CRISP2: variants seen among roughly 807,000 people sequenced by gnomAD.
CRISP2 encodes cysteine-rich secretory protein 2.
CRISP2 carries 29 observed loss-of-function variants against 31.7 expected under a neutral mutation model. The observed-to-expected ratio is 0.92, with a 90% CI of 0.68 to 1.25. The LOEUF (loss-of-function observed/expected upper bound fraction) is 1.25. CRISP2 is among the 50% of genes most tolerant of loss of function. CRISP2 has a pLI of 0.00. For synonymous variants in CRISP2, 111 were observed against 101.4 expected (o/e 1.09, Z -0.57); for missense variants, 318 against 286.5 (o/e 1.11, Z -0.79).
chr6:49,700,651 A>G lies in CRISP2; in HGVS notation c.183+17T>C, dbSNP rs750832722. ...ACAGCTGATTCACACCCATCTCCTTACAGCACTGCCTCTTACCATCTTTAG... is the reference window on the plus strand; with the variant it reads ...ACAGCTGATTCACACCCATCTCCTTGCAGCACTGCCTCTTACCATCTTTAG... On this transcript the variant is annotated intron_variant, in intron 5 of 9. Transcript: ENST00000339139. 8 of 1,497,892 alleles carry G rather than the reference A, an allele frequency of 5.3e-6. No homozygotes were observed. Among genetic ancestry groups the G allele is most frequent in the Non-Finnish European group, 7.4e-6 (8 of 1,075,144 alleles). The allele number at this position is 1,497,892 out of a possible 1,614,324, so 92.8% of individuals were successfully genotyped here. A position where few individuals can be genotyped will look rare whatever the true frequency, so the allele number is the denominator to read the frequency against.
chr6:49,683,055 G>A, the CRISP2 span, among the ~76,000 whole-genome samples: 29 of 152,048 alleles, frequency 1.9e-4, no homozygotes, highest in East Asian at 5.7e-3. Flanking sequence ...CTAATCTGGA[G>A]GCTAAGGCAG....
chr6:49,682,783 T>C, the CRISP2 span, among the ~76,000 whole-genome samples: 2 of 147,810 alleles, frequency 1.4e-5, no homozygotes, highest in Admixed American at 1.4e-4. Flanking sequence ...CCTTCCCTCA[T>C]TCCTGCCCTC....
chr6:49,689,568 G>A (rs1763985430), downstream of CRISP2, among the ~76,000 whole-genome samples: 1 of 151,418 alleles, frequency 6.6e-6, no homozygotes, highest in African/African-American at 2.4e-5. Flanking sequence ...TGAGATGACT[G>A]GATATAAAAT....
chr6:49,698,017 A>T (rs41273696), intron 7 of CRISP2, 60 bp from the exon 8 acceptor site: 79,736 of 1,319,220 alleles, frequency 0.06, 2,613 homozygotes, highest in Non-Finnish European at 0.064. Context: ...AAAAATATTT[A>T]AAAAAGTAGC....
intron 7 of CRISP2, 97 bp from the exon 8 acceptor site, chr6:49,698,054 T>C: frequency 1.0e-6 from 1 of 954,132 alleles, no homozygotes; most frequent in Non-Finnish European, 1.5e-6. Context: ...AATGTTAGTT[T>C]TATAGACATA....
At chr6:49,682,637 TTCTTTC>T in the CRISP2 span, among the ~76,000 whole-genome samples, 1,193 of 69,662 alleles carry the variant, frequency 0.017, 4 homozygotes, top group African/African-American at 0.05. Flanking sequence ...CTTTCTTTCT[TTCTTTC>T]TTCTTTCTTT....
intron 6 of CRISP2, among the ~76,000 whole-genome samples, chr6:49,699,253 A>G (rs1159220444): frequency 1.3e-5 from 2 of 151,954 alleles, no homozygotes; most frequent in Non-Finnish European, 2.9e-5. Flanking sequence ...AATATATTCA[A>G]AAATATTCAT....
At chr6:49,701,654 ATTATATATGTATACAT>A in intron 4 of CRISP2, among the ~76,000 whole-genome samples, 1 of 127,186 alleles carries the variant, frequency 7.9e-6, no homozygotes, top group Non-Finnish European at 1.6e-5. Context: ...ATATGTATAC[ATTATATATGTATACAT>A]TATATATGTA....
chr6:49,692,582 T>A lies in CRISP2; in HGVS notation c.*191A>T, dbSNP rs1257861016. On this transcript the variant is annotated 3_prime_UTR_variant, in exon 10 of 10. Coordinates refer to ENST00000339139, the MANE Select transcript of CRISP2 (RefSeq NM_003296.4). ...ACTAAATTTATGTCAGAGTTCACAGTTGTCATCATCTACTATGCTACTTTT... is the reference window on the plus strand; with the variant it reads ...ACTAAATTTATGTCAGAGTTCACAGATGTCATCATCTACTATGCTACTTTT... 1 of 503,910 alleles carries A rather than the reference T, an allele frequency of 2.0e-6. No individual in the cohort carries two copies. Among genetic ancestry groups the A allele is most frequent in the Non-Finnish European group, 3.5e-6 (1 of 287,012 alleles). The allele number at this position is 503,910 out of a possible 1,614,324, so 31.2% of individuals were successfully genotyped here.
chr6:49,682,969 G>T, the CRISP2 span, among the ~76,000 whole-genome samples: 3 of 151,646 alleles, frequency 2.0e-5, no homozygotes, highest in African/African-American at 7.3e-5. Context: ...AACCAGCCTG[G>T]CCAACATGGC....
rs762460419 is a variant in CRISP2 at position 49,709,228 on chromosome 6, C to G, written c.-9-23G>C. ...AAACTAAGTCAAGAAAAACAAAGGT[C>G]TGCATTGAAATATGTAGTTTAAAAA... On this transcript the variant is annotated intron_variant, in intron 3 of 9. Coordinates refer to ENST00000339139, the MANE Select transcript of CRISP2 (RefSeq NM_003296.4). 5.6e-6 allele frequency: 9 copies of G among 1,610,176 alleles called. No homozygotes were observed. The Middle Eastern group carries it at 5.0e-4, about 89-fold the overall frequency.
downstream of CRISP2, among the ~76,000 whole-genome samples, chr6:49,687,889 C>A: frequency 6.6e-6 from 1 of 152,172 alleles, no homozygotes; most frequent in East Asian, 1.9e-4. Flanking sequence ...GTTACCCCTC[C>A]CCTGATGCAG....
intron 4 of CRISP2, among the ~76,000 whole-genome samples, chr6:49,707,130 T>G (rs1767178017): frequency 6.6e-6 from 1 of 152,214 alleles, no homozygotes; most frequent in Admixed American, 6.5e-5. Context: ...GATGTATTTT[T>G]AAATGTGTTA....
chr6:49,713,046 T>C (rs1768321355), intron 1 of CRISP2, among the ~76,000 whole-genome samples: 1 of 152,126 alleles, frequency 6.6e-6, no homozygotes, highest in Admixed American at 6.6e-5. Context: ...CAATAGATGA[T>C]ATAAAGTCCA....
chr6:49,702,043 AGTT>A (rs1434458165), intron 4 of CRISP2, among the ~76,000 whole-genome samples: 1 of 110,948 alleles, frequency 9.0e-6, no homozygotes, highest in Non-Finnish European at 1.7e-5. Context: ...TACATATATA[AGTT>A]TATATTATAT....
chr6:49,692,865 A>G lies in CRISP2; in HGVS notation c.640T>C (p.Cys214Arg), dbSNP rs779371926. Residue 214 changes from cysteine (C) to arginine (R), a missense_variant, in exon 10 of 10, where the codon TGT becomes CGT. Physicochemically the swap from Cys to Arg is radical, Grantham distance 180. Coordinates refer to ENST00000339139, the MANE Select transcript of CRISP2 (RefSeq NM_003296.4). ...CCAGCTGTATTCTTCAAGGAATCAC[A>G]GTTACTTAGGAGATCTTGATACTGG... Reference protein sequence around the residue: ...SCQYQDLLSNCDSLKNTAGCE... With the variant: ...SCQYQDLLSNRDSLKNTAGCE... 6.2e-7 allele frequency: 1 copy of G among 1,613,786 alleles called. No individual in the cohort carries two copies. The highest frequency in any genetic ancestry group is 1.1e-5 in the South Asian group (1 of 91,064).
At chr6:49,700,897 T>C in intron 4 of CRISP2, 113 bp from the exon 5 acceptor site, 1 of 628,396 alleles carries the variant, frequency 1.6e-6, no homozygotes, top group Admixed American at 2.8e-5. Flanking sequence ...AAAATAGTTA[T>C]CATGTACATA....
intron 8 of CRISP2, among the ~76,000 whole-genome samples, chr6:49,696,601 A>T (rs168624): frequency 2.0e-5 from 3 of 149,338 alleles, no homozygotes; most frequent in African/African-American, 5.0e-5. Context: ...AAAAAAAAAA[A>T]GAAAAAAAGA....
Position 49,697,407 on chromosome 6 carries a change from G to GTGTGTGTGTGTGTGTGTGTGTGT in CRISP2, c.515+452_515+453insACACACACACACACACACACACA, listed in dbSNP as rs970345647. The stretch of plus-strand genomic sequence containing the variant: ...ATTTGTAATGGTAATTGTGTGTGGT[G>GTGTGTGTGTGTGTGTGTGTGTGT]GTGTGTGTGTGTGTGTGTTTTACAT... On this transcript the variant is annotated intron_variant, in intron 8 of 9. Coordinates refer to ENST00000339139, the MANE Select transcript of CRISP2 (RefSeq NM_003296.4). Among the ~76,000 whole-genome samples, 464 of 151,130 alleles carry GTGTGTGTGTGTGTGTGTGTGTGT rather than the reference G, an allele frequency of 3.1e-3. 4 individuals carry two copies. The highest frequency in any genetic ancestry group is 0.011 in the African/African-American group (433 of 41,100).
Sources: gnomAD v4.1 joint callset for allele counts (sites outside exome capture counted in the v4.1 genomes callset) on GRCh38, gnomAD v4.1.1 for gene constraint, MANE v1.5 for transcripts, NCBI Gene and HGNC (gene_info 2026-07-23, HGNC 2026-07-21) for gene names.